RBPJ: variants seen among roughly 807,000 people sequenced by gnomAD.
RBPJ encodes recombining binding protein suppressor of hairless.
RBPJ carries 9 observed loss-of-function variants against 67.8 expected under a neutral mutation model. The observed-to-expected ratio is 0.13, with a 90% confidence interval of 0.08 to 0.23. RBPJ has a LOEUF of 0.23. RBPJ is among the 10% of genes least tolerant of loss of function. The pLI is 1.00. For synonymous variants in RBPJ, 198 were observed against 203.3 expected (o/e 0.97, Z 0.22); for missense variants, 305 against 595.6 (o/e 0.51, Z 5.08).
intron 1 of RBPJ, among the ~76,000 whole-genome samples, chr4:26,173,645 T>A (rs1440548492): frequency 1.3e-5 from 2 of 152,130 alleles, no homozygotes; most frequent in Non-Finnish European, 2.9e-5. Flanking sequence ...ACAAGATGGG[T>A]TAAATAAACT....
At position 26,414,461 on chromosome 4, in the gene RBPJ, G is replaced by A. The variant is rs114829831; in HGVS notation, c.156-1014G>A. 5.1e-4 allele frequency among the ~76,000 whole-genome samples: 77 copies of A among 152,246 alleles called. 1 individual carries two copies. Among genetic ancestry groups the A allele is most frequent in the African/African-American group, 1.7e-3 (71 of 41,552 alleles). On this transcript the variant is annotated intron_variant, in intron 3 of 10. Transcript: ENST00000355476. The stretch of plus-strand genomic sequence containing the variant: ...TAGGATTACAGGTATGGGTCACCGC[G>A]CCCAGCCTGGATATTCCTGTTTATT...
At chr4:26,286,057 G>GTGCCACTGCAGTGCGCTATGATCA (rs1560244622) in intron 1 of RBPJ, among the ~76,000 whole-genome samples, 3 of 152,088 alleles carry the variant, frequency 2.0e-5, no homozygotes, top group Non-Finnish European at 4.4e-5. Flanking sequence ...CGCTATGATC[G>GTGCCACTGCAGTGCGCTATGATCA]TGCCGCTGCA....
upstream of RBPJ, among the ~76,000 whole-genome samples, chr4:26,162,091 C>G (rs1040797258): frequency 1.3e-5 from 2 of 152,182 alleles, no homozygotes; most frequent in African/African-American, 4.8e-5. Flanking sequence ...ATGGGGGAAG[C>G]TAAAATGGCA....
At chr4:26,280,167 G>A (rs1721219510) in intron 1 of RBPJ, among the ~76,000 whole-genome samples, 1 of 151,534 alleles carries the variant, frequency 6.6e-6, no homozygotes, top group Non-Finnish European at 1.5e-5. Context: ...GGCCGAGGTG[G>A]ATGGATCACT....
chr4:26,373,663 C>T (rs916919935), intron 1 of RBPJ, among the ~76,000 whole-genome samples: 1 of 152,120 alleles, frequency 6.6e-6, no homozygotes, highest in South Asian at 2.1e-4. Flanking sequence ...AGAAAAAAAG[C>T]GTTCTTTGCA....
At chr4:26,416,407 T>C (rs1426305928) in intron 4 of RBPJ, among the ~76,000 whole-genome samples, 1 of 152,164 alleles carries the variant, frequency 6.6e-6, no homozygotes, top group Non-Finnish European at 1.5e-5. Context: ...TTTTGTATTT[T>C]TTTGTAGAGA....
chr4:26,239,807 G>C (rs1014384501), intron 1 of RBPJ, among the ~76,000 whole-genome samples: 10 of 152,218 alleles, frequency 6.6e-5, no homozygotes, highest in South Asian at 6.2e-4. Flanking sequence ...AAATGGCAAA[G>C]TCCCCTTGTT....
At chr4:26,151,716 G>A in the RBPJ span, among the ~76,000 whole-genome samples, 1 of 152,218 alleles carries the variant, frequency 6.6e-6, no homozygotes, top group African/African-American at 2.4e-5. Context: ...TGATCCTGTG[G>A]ATTTCCATTT....
chr4:26,240,377 A>T (rs1238535521), intron 1 of RBPJ, among the ~76,000 whole-genome samples: 2 of 152,266 alleles, frequency 1.3e-5, no homozygotes, highest in Non-Finnish European at 2.9e-5. Context: ...TATTCTCTAA[A>T]CTATACCCTC....
chr4:26,249,156 C>T (rs184081791), intron 1 of RBPJ, among the ~76,000 whole-genome samples: 5 of 152,198 alleles, frequency 3.3e-5, no homozygotes, highest in South Asian at 2.1e-4. Flanking sequence ...AAAGCAAAAG[C>T]GGGCAAAGTC....
the RBPJ span, among the ~76,000 whole-genome samples, chr4:26,115,687 C>T: frequency 6.6e-6 from 1 of 152,156 alleles, no homozygotes. Flanking sequence ...GATATTATTT[C>T]ACAAGGAACT....
At chr4:26,325,488 TAA>T (rs1373607060) in intron 1 of RBPJ, among the ~76,000 whole-genome samples, 6 of 152,192 alleles carry the variant, frequency 3.9e-5, no homozygotes, top group Non-Finnish European at 8.8e-5. Flanking sequence ...CTCTGGCACT[TAA>T]AACCCCTGCC....
chr4:26,111,668 G>C, the RBPJ span, among the ~76,000 whole-genome samples: 1 of 152,220 alleles, frequency 6.6e-6, no homozygotes, highest in Non-Finnish European at 1.5e-5. Context: ...CATGACAAGG[G>C]AGTGGTGGGA....
At chr4:26,408,041 A>G (rs1733637941) in intron 3 of RBPJ, among the ~76,000 whole-genome samples, 1 of 151,142 alleles carries the variant, frequency 6.6e-6, no homozygotes. Flanking sequence ...TGGCCAGCTA[A>G]TTTTTGTATT....
At chr4:26,408,098 C>T (rs1186327985) in intron 3 of RBPJ, among the ~76,000 whole-genome samples, 2 of 151,906 alleles carry the variant, frequency 1.3e-5, no homozygotes, top group Non-Finnish European at 2.9e-5. Flanking sequence ...TGATCTCAAA[C>T]TCCTGGGCTC....
chr4:26,364,327 T>TTA (rs1210042632), intron 1 of RBPJ, among the ~76,000 whole-genome samples: 2 of 152,248 alleles, frequency 1.3e-5, no homozygotes, highest in African/African-American at 4.8e-5. Flanking sequence ...AATCATCTGC[T>TTA]TATTAGCCAA....
intron 1 of RBPJ, among the ~76,000 whole-genome samples, chr4:26,192,987 T>C (rs1717623371): frequency 6.6e-6 from 1 of 151,982 alleles, no homozygotes; most frequent in Admixed American, 6.6e-5. Flanking sequence ...GAGAAGGGGA[T>C]ATGATGACAG....
chr4:26,175,467 G>A (rs754976346), intron 1 of RBPJ, among the ~76,000 whole-genome samples: 3 of 152,174 alleles, frequency 2.0e-5, no homozygotes, highest in Admixed American at 6.5e-5. Context: ...GTACAGACCC[G>A]CATCACATCG....
intron 2 of RBPJ, among the ~76,000 whole-genome samples, chr4:26,405,012 A>G (rs1385379197): frequency 2.0e-5 from 3 of 152,180 alleles, no homozygotes; most frequent in South Asian, 2.1e-4. Flanking sequence ...TTTCAGTGGT[A>G]GGGATTAGTT....
Sources: gnomAD v4.1 joint callset for allele counts (sites outside exome capture counted in the v4.1 genomes callset) on GRCh38, gnomAD v4.1.1 for gene constraint, MANE v1.5 for transcripts, NCBI Gene and HGNC (gene_info 2026-07-23, HGNC 2026-07-21) for gene names.